RNF130: variants seen among roughly 807,000 people sequenced by gnomAD.
RNF130 encodes E3 ubiquitin-protein ligase RNF130.
RNF130 carries 21 observed loss-of-function variants against 44.6 expected under a neutral mutation model. The observed-to-expected ratio is 0.47, with a 90% CI of 0.33 to 0.68. The LOEUF (loss-of-function observed/expected upper bound fraction) is 0.68. Among genes scored for constraint, RNF130 ranks in the 30% least tolerant of loss-of-function variants. RNF130 has a pLI of 0.02. For synonymous variants in RNF130, 214 were observed against 210.4 expected, an observed-to-expected ratio of 1.02 and a Z score of -0.15; for missense variants, 479 against 560.6, an observed-to-expected ratio of 0.85 and a Z score of 1.47.
At chr5:179,928,528 A>T (rs1761740252) in intron 7 of RNF130, among the ~76,000 whole-genome samples, 2 of 151,508 alleles carry the variant, frequency 1.3e-5, no homozygotes, top group Non-Finnish European at 2.9e-5. Context: ...TCATTTTCCC[A>T]TCAGGTTGTC....
rs1158988770 is a variant in RNF130 at position 179,955,508 on chromosome 5, T to A, written c.*146A>T. ...TTATTTTATTATTTATTTCTTTTAA[T>A]ACAAAGCTTTGGCATTAGCAATTTT... On this transcript the variant is annotated 3_prime_UTR_variant, in exon 9 of 9. Transcript: ENST00000521389. 1 of 604,380 alleles carries A rather than the reference T, an allele frequency of 1.7e-6. No homozygotes were observed. The highest frequency in any genetic ancestry group is 2.8e-5 in the East Asian group (1 of 35,468). The allele number at this position is 604,380 out of a possible 1,614,324, so 37.4% of individuals were successfully genotyped here. A position where few individuals can be genotyped will look rare whatever the true frequency, so the allele number is the denominator to read the frequency against.
At chr5:180,044,463 T>C (rs1764508380) in intron 1 of RNF130, among the ~76,000 whole-genome samples, 1 of 152,298 alleles carries the variant, frequency 6.6e-6, no homozygotes, top group East Asian at 1.9e-4. Flanking sequence ...CAATGAATAG[T>C]AACTTATGTG....
intron 1 of RNF130, among the ~76,000 whole-genome samples, chr5:180,063,372 C>A (rs1765030097): frequency 6.6e-6 from 1 of 152,132 alleles, no homozygotes; most frequent in African/African-American, 2.4e-5. Flanking sequence ...GCCAAAGAAG[C>A]AAGGATGGTC....
At chr5:180,017,468 C>T (rs1763768337) in intron 2 of RNF130, among the ~76,000 whole-genome samples, 1 of 152,198 alleles carries the variant, frequency 6.6e-6, no homozygotes. Flanking sequence ...AAACCTTTCA[C>T]TCAATGCTCT....
intron 7 of RNF130, chr5:179,939,647 G>A (rs1001889125): frequency 5.2e-5 from 24 of 462,002 alleles, no homozygotes; most frequent in Non-Finnish European, 2.1e-5. Context: ...GGAAGAGAAT[G>A]AAGTGAGGCC....
In RNF130 at chr5:179,977,476, C is replaced by T. The variant is rs912990621; in HGVS notation, c.848+727G>A. On this transcript the variant is annotated intron_variant, in intron 5 of 8. Transcript: ENST00000521389. The surrounding 1 kb of genome is among the most constrained non-coding windows in gnomAD (Gnocchi z 4.1). ...CAGTGACTCATGCCTGTAATCCCAA[C>T]ACTTTGAGAGGACAAGGCAGGAGGA... The T allele has an allele frequency of 2.6e-5, 4 of 152,302 alleles. No individual in the cohort carries two copies. The highest frequency in any genetic ancestry group is 9.7e-5 in the African/African-American group (4 of 41,446). The allele number at this position is 152,302 out of a possible 1,614,324, so 9.4% of individuals were successfully genotyped here. A position where few individuals can be genotyped will look rare whatever the true frequency, so the allele number is the denominator to read the frequency against.
chr5:180,023,139 A>G (rs1460523019), intron 2 of RNF130, among the ~76,000 whole-genome samples: 3 of 152,248 alleles, frequency 2.0e-5, no homozygotes, highest in East Asian at 1.9e-4. Context: ...GAGAGCTACA[A>G]TGATCCATGT....
At position 180,071,516 on chromosome 5, in the gene RNF130, G is replaced by C. The variant is rs1284583508; in HGVS notation, c.187C>G (p.Leu63Val). 1 of 1,353,662 alleles carries C rather than the reference G, an allele frequency of 7.4e-7. No individual in the cohort carries two copies. Among genetic ancestry groups the C allele is most frequent in the Non-Finnish European group, 9.6e-7 (1 of 1,045,462 alleles). 83.9% of individuals were successfully genotyped at this position (1,353,662 alleles called of 1,614,324 possible). A position where few individuals can be genotyped will look rare whatever the true frequency, so the allele number is the denominator to read the frequency against. Residue 63 changes from leucine to valine, a missense_variant, in exon 1 of 9, where the codon CTT (leucine) becomes GTT (valine). Physicochemically the swap from Leu to Val is conservative, Grantham distance 32 (BLOSUM62 1). Around this residue, in one of 3 missense-constraint regions of RNF130, gnomAD observed 138 missense variants for 126.9 expected, o/e 1.09. Coordinates refer to ENST00000521389, the MANE Select transcript of RNF130 (RefSeq NM_018434.6). The part of the protein sequence containing the change: ...TFRIDRGRYG[L>V]DSPKAEVRGQ... ...CGGACCTCGGCCTTGGGGGAGTCAA[G>C]CCCGTAGCGCCCGCGGTCGATGCGA...
intron 1 of RNF130, among the ~76,000 whole-genome samples, chr5:180,069,307 G>A (rs1765190321): frequency 6.6e-6 from 1 of 152,108 alleles, no homozygotes; most frequent in African/African-American, 2.4e-5. Flanking sequence ...CTGAGACTGG[G>A]CACACAGGAT....
intron 3 of RNF130, among the ~76,000 whole-genome samples, chr5:179,983,771 G>A (rs2113722047): frequency 6.6e-6 from 1 of 152,288 alleles, no homozygotes; most frequent in South Asian, 2.1e-4. Flanking sequence ...ACTGAACACT[G>A]TGTATGTGTC....
chr5:179,988,994 C>G (rs1439870728), intron 3 of RNF130, among the ~76,000 whole-genome samples: 1 of 152,134 alleles, frequency 6.6e-6, no homozygotes, highest in Non-Finnish European at 1.5e-5. Context: ...CGTTTTTATG[C>G]TGCTATGAGG....
chr5:180,001,943 G>A, intron 3 of RNF130, among the ~76,000 whole-genome samples: 1 of 152,194 alleles, frequency 6.6e-6, no homozygotes. Context: ...CTGGGACATG[G>A]TGTACTATAT....
Position 180,013,292 on chromosome 5 carries a change from A to G in RNF130, c.462T>C (p.Ala154=), listed in dbSNP as rs779393615. ...TACCCCTCAATTCTGTTATCATGAC[A>G]GCAATAATATCTCCAGTGCCTGCAA... ...MTHPGTGDII[A]VMITELRGKD... Residue 154 remains alanine, a synonymous_variant, in exon 3 of 9, where the codon GCT becomes GCC. Coordinates refer to ENST00000521389, the MANE Select transcript of RNF130 (RefSeq NM_018434.6). The G allele has an allele frequency of 6.2e-7, 1 of 1,611,676 alleles. No homozygotes were observed. Among genetic ancestry groups the G allele is most frequent in the South Asian group, 1.1e-5 (1 of 90,818 alleles).
chr5:180,057,485 C>T (rs1764859357), intron 1 of RNF130, among the ~76,000 whole-genome samples: 1 of 151,952 alleles, frequency 6.6e-6, no homozygotes, highest in South Asian at 2.1e-4. Context: ...GAGGTGGAGG[C>T]TGCATTGAGC....
At chr5:180,005,153 C>A (rs1253031297) in intron 3 of RNF130, among the ~76,000 whole-genome samples, 1 of 152,174 alleles carries the variant, frequency 6.6e-6, no homozygotes, top group Non-Finnish European at 1.5e-5. Flanking sequence ...GATGGCCCGG[C>A]GTGGTGGCTC....
rs138489014 is a variant in RNF130, at chr5:180,055,603, A to G, written c.248-14956T>C. On this transcript the variant is annotated intron_variant, in intron 1 of 8. Transcript: ENST00000521389. Reference sequence around the variant, plus strand: ...CTCTCATTCATCCGTTTGTTTTCAGATAATACTGCCAACAGTATAATAGCC... The same window carrying G: ...CTCTCATTCATCCGTTTGTTTTCAGGTAATACTGCCAACAGTATAATAGCC... Among the ~76,000 whole-genome samples the G allele has an allele frequency of 5.6e-3, 851 of 152,328 alleles. 6 individuals are homozygous for G. The highest frequency in any genetic ancestry group is 0.02 in the Middle Eastern group (6 of 294).
intron 1 of RNF130, among the ~76,000 whole-genome samples, chr5:180,048,012 T>TTA (rs1764607985): frequency 6.6e-6 from 1 of 151,882 alleles, no homozygotes; most frequent in African/African-American, 2.4e-5. Context: ...TTTTTTTTTT[T>TTA]TTATTGGAAC....
At chr5:179,969,295 C>T (rs1762529534) in intron 6 of RNF130, among the ~76,000 whole-genome samples, 1 of 151,950 alleles carries the variant, frequency 6.6e-6, no homozygotes, top group Non-Finnish European at 1.5e-5. Context: ...ACAGCCCCTG[C>T]CAGGCTGTGG....
At chr5:180,069,384 T>A (rs1235406558) in intron 1 of RNF130, among the ~76,000 whole-genome samples, 1 of 152,102 alleles carries the variant, frequency 6.6e-6, no homozygotes, top group Non-Finnish European at 1.5e-5. Flanking sequence ...AAGCCAGACT[T>A]AAACCACCTG....
Sources: gnomAD v4.1 joint callset for allele counts (sites outside exome capture counted in the v4.1 genomes callset) on GRCh38, gnomAD v4.1.1 for gene constraint, gnomAD v4.1.1 regional missense constraint, Gnocchi (gnomAD v3.1) non-coding constraint, MANE v1.5 for transcripts, NCBI Gene and HGNC (gene_info 2026-07-23, HGNC 2026-07-21) for gene names.